The following FSTL5 variants were observed in gnomAD, a reference collection of about 807,000 sequenced individuals.
FSTL5 encodes follistatin like 5.
A neutral mutation model predicts 89.1 loss-of-function variants in FSTL5; 62 were observed. The observed-to-expected ratio is 0.70, with a 90% CI of 0.57 to 0.86. The LOEUF (loss-of-function observed/expected upper bound fraction) is 0.86. Ranked by LOEUF, FSTL5 falls within the 40% of genes least tolerant of loss-of-function variation. The pLI is 0.00. For missense variants in FSTL5, 1,057 were observed against 1,001.6 expected, an observed-to-expected ratio of 1.06 and a Z score of -0.75; for synonymous variants, 383 against 346.2, an observed-to-expected ratio of 1.11 and a Z score of -1.18.
At chr4:161,594,214 C>CA (rs1361560890) in intron 7 of FSTL5, among the ~76,000 whole-genome samples, 1 of 151,942 alleles carries the variant, frequency 6.6e-6, no homozygotes, top group Non-Finnish European at 1.5e-5. Context: ...GACCAGATCA[C>CA]AACAGAGAAT....
At chr4:162,131,352 C>T (rs1475992626) in intron 1 of FSTL5, among the ~76,000 whole-genome samples, 2 of 152,112 alleles carry the variant, frequency 1.3e-5, no homozygotes, top group Non-Finnish European at 2.9e-5. Context: ...TTTGTTTATA[C>T]TCACATGGTG....
In FSTL5 at chr4:161,775,858, AAT is replaced by A. The variant is rs1741389692; in HGVS notation, c.606+18_606+19del. 7.8e-7 allele frequency: 1 copy of A among 1,287,132 alleles called. No individual in the cohort carries two copies. Among genetic ancestry groups the A allele is most frequent in the Non-Finnish European group, 1.1e-6 (1 of 946,014 alleles). 79.7% of individuals were successfully genotyped at this position (1,287,132 alleles called of 1,614,324 possible). A position where few individuals can be genotyped will look rare whatever the true frequency, so the allele number is the denominator to read the frequency against. On this transcript the variant is annotated intron_variant, in intron 5 of 15. Coordinates refer to ENST00000306100, the MANE Select transcript of FSTL5 (RefSeq NM_020116.5). The stretch of plus-strand genomic sequence containing the variant: ...CATGCTATATTTCAGTAAGTTTGTT[AAT>A]ATAGTCACTAATCATACCTGAGTTA...
Position 161,752,719 on chromosome 4 carries a change from TG to T in FSTL5, c.727+6691del, listed in dbSNP as rs563145591. ...TTTCAGTTTTAATTCTGGTATGGAC[TG>T]AATTGTGTCTCCTCCAACTTCATAT... On this transcript the variant is annotated intron_variant, in intron 6 of 15. Coordinates refer to ENST00000306100, the MANE Select transcript of FSTL5 (RefSeq NM_020116.5). Among the ~76,000 whole-genome samples the T allele has an allele frequency of 1.5e-3, 233 of 152,352 alleles. 1 individual carries two copies. Among genetic ancestry groups the T allele is most frequent in the African/African-American group, 5.2e-3 (217 of 41,582 alleles).
At chr4:161,823,000 AAG>A (rs1262482803) in intron 4 of FSTL5, among the ~76,000 whole-genome samples, 1 of 152,140 alleles carries the variant, frequency 6.6e-6, no homozygotes, top group Non-Finnish European at 1.5e-5. Context: ...CTCAGCAGAG[AAG>A]AGACCTACTG....
intron 3 of FSTL5, among the ~76,000 whole-genome samples, chr4:162,003,043 C>G (rs530164795): frequency 6.6e-6 from 1 of 152,140 alleles, no homozygotes; most frequent in East Asian, 1.9e-4. Flanking sequence ...ACTCGGGAGG[C>G]TGAGGCAGGA....
At chr4:161,871,320 T>C (rs28397983) in intron 4 of FSTL5, among the ~76,000 whole-genome samples, 102 of 152,266 alleles carry the variant, frequency 6.7e-4, no homozygotes, top group African/African-American at 2.1e-3. Flanking sequence ...CATAGACTTA[T>C]TGACATACTT....
intron 6 of FSTL5, among the ~76,000 whole-genome samples, chr4:161,672,516 T>C (rs1737152070): frequency 6.6e-6 from 1 of 152,126 alleles, no homozygotes; most frequent in Non-Finnish European, 1.5e-5. Context: ...TCTCCAACAT[T>C]CATTTCATTC....
intron 8 of FSTL5, among the ~76,000 whole-genome samples, chr4:161,562,721 T>C (rs1484399119): frequency 1.3e-5 from 2 of 151,956 alleles, no homozygotes; most frequent in African/African-American, 4.8e-5. Context: ...TGTACCCTGT[T>C]ACTGCTTTTA....
chr4:161,431,561 C>T (rs1024133710), intron 15 of FSTL5, among the ~76,000 whole-genome samples: 4 of 151,316 alleles, frequency 2.6e-5, no homozygotes, highest in African/African-American at 9.7e-5. Context: ...AAAGAGAAGA[C>T]CACAAAACAA....
At chr4:161,837,485 G>A (rs1434169000) in intron 4 of FSTL5, among the ~76,000 whole-genome samples, 1 of 152,058 alleles carries the variant, frequency 6.6e-6, no homozygotes, top group Non-Finnish European at 1.5e-5. Context: ...GTGTCTCAGT[G>A]AATTTTTCTG....
At chr4:161,979,170 C>G (rs974110137) in intron 3 of FSTL5, among the ~76,000 whole-genome samples, 2 of 152,118 alleles carry the variant, frequency 1.3e-5, no homozygotes, top group African/African-American at 4.8e-5. Context: ...CTTGAAATGT[C>G]CTAGCCCATA....
At chr4:162,160,330 T>C (rs1263055300) in intron 1 of FSTL5, among the ~76,000 whole-genome samples, 2 of 151,860 alleles carry the variant, frequency 1.3e-5, no homozygotes. Context: ...TGGTTACCAA[T>C]TTAATTGGAA....
chr4:161,440,442 A>C (rs1034084806), intron 15 of FSTL5, among the ~76,000 whole-genome samples: 1 of 152,128 alleles, frequency 6.6e-6, no homozygotes, highest in Non-Finnish European at 1.5e-5. Context: ...TCTGTGCATA[A>C]ATTTTGTGAT....
At chr4:162,046,256 C>T (rs1383353959) in intron 2 of FSTL5, among the ~76,000 whole-genome samples, 1 of 152,110 alleles carries the variant, frequency 6.6e-6, no homozygotes, top group African/African-American at 2.4e-5. Flanking sequence ...ATAGCTATTA[C>T]TTACAACACA....
chr4:162,116,304 T>G (rs1431544106), intron 1 of FSTL5, among the ~76,000 whole-genome samples: 1 of 152,218 alleles, frequency 6.6e-6, no homozygotes, highest in Non-Finnish European at 1.5e-5. Flanking sequence ...AAAATACTGC[T>G]GAAGTAACGT....
intron 6 of FSTL5, among the ~76,000 whole-genome samples, chr4:161,756,204 T>C (rs1287247347): frequency 6.7e-6 from 1 of 149,656 alleles, no homozygotes; most frequent in African/African-American, 2.5e-5. Context: ...CACTAAATGA[T>C]GTTGTGAACA....
intron 4 of FSTL5, among the ~76,000 whole-genome samples, chr4:161,900,749 C>T (rs1276653616): frequency 6.7e-6 from 1 of 148,150 alleles, no homozygotes; most frequent in East Asian, 2.0e-4. Context: ...TACCTCAAAA[C>T]ATGAGAAGAT....
intron 15 of FSTL5, among the ~76,000 whole-genome samples, chr4:161,410,033 G>T (rs1286318518): frequency 6.6e-6 from 1 of 152,082 alleles, no homozygotes; most frequent in Non-Finnish European, 1.5e-5. Flanking sequence ...TAAATGAGTG[G>T]AATAAGATCT....
At chr4:162,016,452 G>T (rs1171768572) in intron 3 of FSTL5, among the ~76,000 whole-genome samples, 4 of 152,174 alleles carry the variant, frequency 2.6e-5, no homozygotes, top group African/African-American at 9.7e-5. Context: ...GCTGCTGAAG[G>T]AAGCAACATT....
Sources: allele counts gnomAD v4.1 joint callset (sites outside exome capture counted in the v4.1 genomes callset), GRCh38; gene constraint gnomAD v4.1.1; transcripts MANE v1.5; gene names NCBI Gene and HGNC (gene_info 2026-07-23, HGNC 2026-07-21).